Variants in COL23A1 observed in about 807,000 individuals in gnomAD.
COL23A1 encodes collagen type XXIII alpha 1 chain.
A neutral mutation model predicts 99.3 loss-of-function variants in COL23A1; 97 were observed. That is an observed-to-expected ratio of 0.98 (90% CI 0.83 to 1.16). The LOEUF is 1.16. Ranked by LOEUF, COL23A1 falls within the 50% of genes most tolerant of loss-of-function variation. The pLI is 0.00. For synonymous variants in COL23A1, 320 were observed against 308.2 expected, an observed-to-expected ratio of 1.04 and a Z score of -0.40; for missense variants, 762 against 757.4, an observed-to-expected ratio of 1.01 and a Z score of -0.07.
At chr5:178,288,499 G>C (rs754473523) in intron 4 of COL23A1, 149 bp from the exon 5 acceptor site, 3 of 748,844 alleles carry the variant, frequency 4.0e-6, no homozygotes, top group Non-Finnish European at 7.4e-6. Context: ...AGGGCTCCAG[G>C]GGTCTTGGGG....
intron 3 of COL23A1, among the ~76,000 whole-genome samples, chr5:178,297,988 G>A (rs964236647): frequency 6.6e-5 from 10 of 152,228 alleles, no homozygotes; most frequent in Admixed American, 6.5e-4. Flanking sequence ...CCAGCCAGGG[G>A]TTCCTGCTTA....
chr5:178,292,336 C>A (rs745875814), intron 3 of COL23A1, among the ~76,000 whole-genome samples: 1 of 152,244 alleles, frequency 6.6e-6, no homozygotes, highest in African/African-American at 2.4e-5. Context: ...GAGCCTGGCC[C>A]CATCTACGGT....
intron 2 of COL23A1, among the ~76,000 whole-genome samples, chr5:178,420,920 C>A (rs766215744): frequency 1.3e-5 from 2 of 151,674 alleles, no homozygotes; most frequent in Non-Finnish European, 2.9e-5. Context: ...AAGGAAAACC[C>A]TCATGGAAGC....
At chr5:178,524,786 C>T (rs1224936582) in intron 2 of COL23A1, among the ~76,000 whole-genome samples, 1 of 152,226 alleles carries the variant, frequency 6.6e-6, no homozygotes, top group African/African-American at 2.4e-5. Flanking sequence ...AGAGCCCTAA[C>T]AGGCCATGTG....
chr5:178,474,014 C>T (rs1410540474), intron 2 of COL23A1, among the ~76,000 whole-genome samples: 2 of 152,180 alleles, frequency 1.3e-5, no homozygotes, highest in East Asian at 1.9e-4. Context: ...ACCTCACCCC[C>T]GGCCACAGGA....
intron 3 of COL23A1, among the ~76,000 whole-genome samples, chr5:178,295,043 G>C (rs966662833): frequency 2.0e-5 from 3 of 152,148 alleles, no homozygotes; most frequent in African/African-American, 7.2e-5. Context: ...CAATTAGCCG[G>C]GTGTGCTGGC....
chr5:178,421,689 T>C (rs1422088750), intron 2 of COL23A1, among the ~76,000 whole-genome samples: 1 of 152,048 alleles, frequency 6.6e-6, no homozygotes, highest in Non-Finnish European at 1.5e-5. Flanking sequence ...GCCAACATGG[T>C]GAAACCCGTC....
intron 1 of COL23A1, among the ~76,000 whole-genome samples, chr5:178,585,408 G>A (rs1190910102): frequency 1.6e-5 from 2 of 124,166 alleles, no homozygotes; most frequent in African/African-American, 6.3e-5. Context: ...ACTGATGTGT[G>A]GGTAACACTC....
intron 2 of COL23A1, among the ~76,000 whole-genome samples, chr5:178,393,650 T>TC (rs1325262700): frequency 1.5e-5 from 2 of 137,506 alleles, no homozygotes; most frequent in African/African-American, 6.3e-5. Flanking sequence ...TTCCCTCTTT[T>TC]CCTTTTTTTT....
At chr5:178,334,169 T>C (rs1214018275) in intron 2 of COL23A1, among the ~76,000 whole-genome samples, 2 of 152,058 alleles carry the variant, frequency 1.3e-5, no homozygotes, top group Non-Finnish European at 2.9e-5. Context: ...CTCTCTGGAG[T>C]GCGGCTGTGA....
At chr5:178,376,429 C>T (rs377468190) in intron 2 of COL23A1, among the ~76,000 whole-genome samples, 2 of 152,220 alleles carry the variant, frequency 1.3e-5, no homozygotes, top group Admixed American at 1.3e-4. Flanking sequence ...GGGACCACAG[C>T]TGGGACAGGG....
At chr5:178,560,930 AACAAAC>A (rs1173659566) in intron 1 of COL23A1, among the ~76,000 whole-genome samples, 182 bp from the exon 2 acceptor site, 6 of 152,208 alleles carry the variant, frequency 3.9e-5, no homozygotes, top group African/African-American at 1.2e-4. Context: ...AATGAGGAAA[AACAAAC>A]ACAAACACTA....
At chr5:178,249,266 C>G in intron 18 of COL23A1, 60 bp from the exon 19 acceptor site, 2 of 1,518,668 alleles carry the variant, frequency 1.3e-6, no homozygotes, top group Admixed American at 1.7e-5. Flanking sequence ...CTTCTCCCCC[C>G]AGCAGGTCCC....
At chr5:178,547,131 T>C (rs1761625132) in intron 2 of COL23A1, among the ~76,000 whole-genome samples, 1 of 152,046 alleles carries the variant, frequency 6.6e-6, no homozygotes, top group Non-Finnish European at 1.5e-5. Flanking sequence ...TCAGGGAAGG[T>C]ATTTCCAAAC....
intron 2 of COL23A1, among the ~76,000 whole-genome samples, chr5:178,350,138 C>T (rs947274150): frequency 6.6e-6 from 1 of 152,218 alleles, no homozygotes; most frequent in Non-Finnish European, 1.5e-5. Flanking sequence ...TTACACTGAG[C>T]ACTTTCCCAC....
Position 178,255,679 on chromosome 5 carries a change from C to A in COL23A1, c.883-653G>T, listed in dbSNP as rs1430823262. The A allele has an allele frequency of 4.6e-6, 1 of 218,224 alleles. No homozygotes were observed. The highest frequency in any genetic ancestry group is 9.8e-6 in the Non-Finnish European group (1 of 102,052). 13.5% of individuals were successfully genotyped at this position (218,224 alleles called of 1,614,324 possible). ...CCTATCCCTTGTGCAGGCTGGAGAC[C>A]CTTGCTTGGGCCTCATTTGCCAGCC... On this transcript the variant is annotated intron_variant, in intron 15 of 28. Coordinates refer to ENST00000390654, the MANE Select transcript of COL23A1 (RefSeq NM_173465.4). The surrounding 1 kb of genome is among the most constrained non-coding windows in gnomAD (Gnocchi z 4.2).
intron 2 of COL23A1, among the ~76,000 whole-genome samples, chr5:178,541,922 T>C (rs1044702525): frequency 2.6e-5 from 4 of 152,214 alleles, no homozygotes; most frequent in African/African-American, 9.6e-5. Flanking sequence ...CTGGGGACAC[T>C]AGGGGAGTCT....
chr5:178,286,901 T>C (rs1317862487), intron 5 of COL23A1, among the ~76,000 whole-genome samples: 1 of 152,142 alleles, frequency 6.6e-6, no homozygotes, highest in African/African-American at 2.4e-5. Flanking sequence ...AAACCACTCA[T>C]CTACACCCCA....
chr5:178,472,993 C>T (rs533492401), intron 2 of COL23A1, among the ~76,000 whole-genome samples: 1 of 143,328 alleles, frequency 7.0e-6, no homozygotes. Flanking sequence ...TGTGGTCACA[C>T]GCACCTGTGA....
Sources: allele counts gnomAD v4.1 joint callset (sites outside exome capture counted in the v4.1 genomes callset), GRCh38; gene constraint gnomAD v4.1.1; non-coding constraint Gnocchi (gnomAD v3.1); transcripts MANE v1.5; gene names NCBI Gene and HGNC (gene_info 2026-07-23, HGNC 2026-07-21).